The following SRGN variants were observed in gnomAD, a reference collection of about 807,000 sequenced individuals.
The protein encoded by SRGN is hematopoetic proteoglycan core peptide.
A neutral mutation model predicts 9.5 loss-of-function variants in SRGN; 2 were observed. The ratio of observed to expected loss-of-function variants is 0.21; its 90% CI spans 0.09 to 0.66. The LOEUF (loss-of-function observed/expected upper bound fraction) is 0.66. Ranked by LOEUF, SRGN falls within the 30% of genes least tolerant of loss-of-function variation. The pLI is 0.83. For missense variants in SRGN, 170 were observed against 192.4 expected (o/e 0.88, Z 0.69); for synonymous variants, 59 against 72.3 (o/e 0.82, Z 0.93).
chr10:69,089,635 C>G (rs1243935753), intron 1 of SRGN, among the ~76,000 whole-genome samples: 1 of 152,194 alleles, frequency 6.6e-6, no homozygotes, highest in Non-Finnish European at 1.5e-5. Flanking sequence ...GTGGCTCACG[C>G]CTGTAATCCC....
chr10:69,099,132 A>G (rs1457789318), intron 2 of SRGN, among the ~76,000 whole-genome samples: 1 of 152,194 alleles, frequency 6.6e-6, no homozygotes, highest in Non-Finnish European at 1.5e-5. Context: ...AATTCAATGA[A>G]TACTAAAGCT....
chr10:69,091,908 AG>A (rs1340060175), intron 1 of SRGN, among the ~76,000 whole-genome samples: 1,437 of 80,106 alleles, frequency 0.018, 63 homozygotes, highest in Non-Finnish European at 0.029. Context: ...AAAAAAAAAA[AG>A]AAAAAGAAAA....
intron 2 of SRGN, among the ~76,000 whole-genome samples, chr10:69,101,105 C>T (rs1286013655): frequency 6.6e-6 from 1 of 151,652 alleles, no homozygotes; most frequent in Non-Finnish European, 1.5e-5. Flanking sequence ...GCCTCAGCCT[C>T]CAGGGTGTGC....
upstream of SRGN, chr10:69,088,099 T>G: frequency 6.9e-7 from 1 of 1,448,326 alleles, no homozygotes; most frequent in Non-Finnish European, 9.7e-7. Flanking sequence ...GAGAGCACCC[T>G]GCTACATTTC....
At chr10:69,088,669 C>T (rs1292775290) in intron 1 of SRGN, among the ~76,000 whole-genome samples, 3 of 150,550 alleles carry the variant, frequency 2.0e-5, no homozygotes, top group African/African-American at 7.3e-5. Flanking sequence ...CACTGGGAGA[C>T]GTTATATTCC....
chr10:69,088,348 G>A, intron 1 of SRGN, 112 bp downstream of exon 1: 1 of 950,778 alleles, frequency 1.1e-6, no homozygotes, highest in Non-Finnish European at 1.6e-6. Flanking sequence ...GAGAAAGGAG[G>A]CAAAGAAGAA....
At chr10:69,092,382 A>G (rs565024324) in intron 1 of SRGN, among the ~76,000 whole-genome samples, 95 of 152,332 alleles carry the variant, frequency 6.2e-4, no homozygotes, top group African/African-American at 2.1e-3. Flanking sequence ...ATCGGCCCCA[A>G]ATTAGATAGG....
chr10:69,097,003 A>AT (rs1439775245), intron 1 of SRGN, 81 bp from the exon 2 acceptor site: 4 of 1,473,326 alleles, frequency 2.7e-6, no homozygotes. Flanking sequence ...CGAAAAAAAA[A>AT]TAAAAATAAA....
chr10:69,099,093 C>CA (rs1239642010), intron 2 of SRGN, among the ~76,000 whole-genome samples: 2 of 151,984 alleles, frequency 1.3e-5, no homozygotes, highest in Non-Finnish European at 2.9e-5. Context: ...TCATAAGTAA[C>CA]AAAAAATTGA....
upstream of SRGN, among the ~76,000 whole-genome samples, chr10:69,087,719 G>A (rs1839967280): frequency 6.6e-6 from 1 of 151,864 alleles, no homozygotes; most frequent in South Asian, 2.1e-4. Context: ...GAAAGTGCTT[G>A]GTGACGAAAA....
chr10:69,096,563 G>A (rs1840179135), intron 1 of SRGN, among the ~76,000 whole-genome samples: 1 of 152,194 alleles, frequency 6.6e-6, no homozygotes, highest in African/African-American at 2.4e-5. Context: ...TTGGAGTGTT[G>A]TAAGAAGGAC....
At chr10:69,093,459 A>G (rs574847658) in intron 1 of SRGN, among the ~76,000 whole-genome samples, 1 of 152,232 alleles carries the variant, frequency 6.6e-6, no homozygotes, top group Non-Finnish European at 1.5e-5. Flanking sequence ...TAGACAGTAC[A>G]AGGTGTGAAG....
intron 1 of SRGN, among the ~76,000 whole-genome samples, chr10:69,091,921 AAAAG>A (rs1445675259): frequency 1.4e-5 from 2 of 144,808 alleles, no homozygotes; most frequent in East Asian, 2.2e-4. Flanking sequence ...AAAAGAAAAG[AAAAG>A]AAAAAAAAAA....
intron 1 of SRGN, among the ~76,000 whole-genome samples, chr10:69,094,047 G>A (rs779704103): frequency 6.6e-6 from 1 of 152,186 alleles, no homozygotes; most frequent in Non-Finnish European, 1.5e-5. Context: ...CTCTGACTAT[G>A]TGCTAGGTAC....
chr10:69,093,941 G>A (rs1840119420), intron 1 of SRGN, among the ~76,000 whole-genome samples: 1 of 152,086 alleles, frequency 6.6e-6, no homozygotes, highest in African/African-American at 2.4e-5. Flanking sequence ...ATGGTAGAAT[G>A]GGAATTTGAA....
chr10:69,098,814 G>T (rs879784990), intron 2 of SRGN: 2 of 152,122 alleles, frequency 1.3e-5, no homozygotes, highest in African/African-American at 2.4e-5. Context: ...ACAAAAATTA[G>T]CTAGGCATAG....
intron 1 of SRGN, among the ~76,000 whole-genome samples, chr10:69,093,321 T>C (rs1840103816): frequency 6.6e-6 from 1 of 152,188 alleles, no homozygotes; most frequent in Non-Finnish European, 1.5e-5. Flanking sequence ...TAAAGGACAA[T>C]ATTTGAATAT....
In SRGN at chr10:69,089,558, C is replaced by T. The variant is rs542473070; in HGVS notation, c.79+1322C>T. Among the ~76,000 whole-genome samples, 6 of 152,242 alleles carry T rather than the reference C, an allele frequency of 3.9e-5. No homozygotes were observed. The South Asian group carries it at 1.2e-3, about 32-fold the overall frequency. ...TCCCACTAAGATTCATTAAGGAAAACTAGAATGAAAACAAAAACGTTCCTT... is the reference window on the plus strand; with the variant it reads ...TCCCACTAAGATTCATTAAGGAAAATTAGAATGAAAACAAAAACGTTCCTT... On this transcript the variant is annotated intron_variant, in intron 1 of 2. Coordinates refer to ENST00000242465, the MANE Select transcript of SRGN (RefSeq NM_002727.4).
At chr10:69,103,730 T>G in intron 2 of SRGN, 141 bp from the exon 3 acceptor site, 2 of 939,248 alleles carry the variant, frequency 2.1e-6, no homozygotes, top group East Asian at 5.4e-5. Flanking sequence ...AAACATTGAA[T>G]AATTGGGAAG....
Sources: allele counts gnomAD v4.1 joint callset (sites outside exome capture counted in the v4.1 genomes callset), GRCh38; gene constraint gnomAD v4.1.1; transcripts MANE v1.5; gene names NCBI Gene and HGNC (gene_info 2026-07-23, HGNC 2026-07-21).